NRXN3: variants seen among roughly 807,000 people sequenced by gnomAD.
NRXN3 encodes the protein neurexin III.
Under a neutral mutation model 137.6 loss-of-function variants are expected in NRXN3, and 32 were observed. The ratio of observed to expected loss-of-function variants is 0.23; its 90% CI spans 0.18 to 0.31. The LOEUF is 0.31. Among genes scored for constraint, NRXN3 ranks in the 10% least tolerant of loss-of-function variants. NRXN3 has a pLI of 1.00. For missense variants in NRXN3, 1,574 were observed against 2,062.5 expected (o/e 0.76, Z 4.59); for synonymous variants, 798 against 784.5 (o/e 1.02, Z -0.29).
intron 19 of NRXN3, among the ~76,000 whole-genome samples, chr14:79,747,436 A>G (rs1451142289): frequency 6.6e-6 from 1 of 152,126 alleles, no homozygotes; most frequent in East Asian, 1.9e-4. Context: ...TTCTCCAGGA[A>G]AATAGTGCAG....
intron 6 of NRXN3, among the ~76,000 whole-genome samples, chr14:78,702,724 G>GA (rs141805104): frequency 0.011 from 1,623 of 152,182 alleles, 30 homozygotes; most frequent in African/African-American, 0.037. Flanking sequence ...GATTACAGGC[G>GA]AAAGCCCCTT....
chr14:78,734,828 G>T lies in NRXN3; in HGVS notation c.2044+19689G>T, dbSNP rs571780571. Among the ~76,000 whole-genome samples the T allele has an allele frequency of 2.6e-5, 4 of 152,322 alleles. No individual in the cohort carries two copies. The East Asian group carries it at 7.7e-4, about 29-fold the overall frequency. Reference sequence around the variant, plus strand: ...GGTAAGTCAGGTTGGAGCACAGAAGGTGGAAGTGGGGAGGAGAGGGAAGAG... The same window carrying T: ...GGTAAGTCAGGTTGGAGCACAGAAGTTGGAAGTGGGGAGGAGAGGGAAGAG... On this transcript the variant is annotated intron_variant, in intron 8 of 20. Coordinates refer to ENST00000335750, the MANE Select transcript of NRXN3 (RefSeq NM_001330195.2).
chr14:79,527,968 C>A (rs1435727001), intron 16 of NRXN3, among the ~76,000 whole-genome samples: 1 of 151,754 alleles, frequency 6.6e-6, no homozygotes, highest in Non-Finnish European at 1.5e-5. Flanking sequence ...GCAACCCAGG[C>A]AAGCATTTAT....
intron 15 of NRXN3, among the ~76,000 whole-genome samples, chr14:79,052,967 G>A (rs79670057): frequency 0.037 from 5,685 of 152,208 alleles, 346 homozygotes; most frequent in African/African-American, 0.13. Flanking sequence ...AGAGTGTAAC[G>A]AATCTTATTC....
chr14:78,542,814 A>C (rs1219558302), intron 4 of NRXN3, among the ~76,000 whole-genome samples: 1 of 152,160 alleles, frequency 6.6e-6, no homozygotes, highest in African/African-American at 2.4e-5. Context: ...CTATTTGGCC[A>C]TCTTGGAATA....
intron 15 of NRXN3, among the ~76,000 whole-genome samples, chr14:79,011,119 T>C (rs2099570128): frequency 6.6e-6 from 1 of 152,164 alleles, no homozygotes; most frequent in African/African-American, 2.4e-5. Flanking sequence ...AGTGTTTGTA[T>C]TAACAGGTTT....
chr14:78,436,699 C>G (rs2094078466), intron 4 of NRXN3, among the ~76,000 whole-genome samples: 1 of 152,186 alleles, frequency 6.6e-6, no homozygotes. Flanking sequence ...GCACATGCGG[C>G]TAGTGAGGAC....
intron 16 of NRXN3, among the ~76,000 whole-genome samples, chr14:79,646,091 T>C (rs1265058229): frequency 4.4e-5 from 6 of 136,060 alleles, no homozygotes; most frequent in African/African-American, 1.5e-4. Flanking sequence ...GTTGTACTGC[T>C]TGGCCAGAGA....
intron 16 of NRXN3, among the ~76,000 whole-genome samples, chr14:79,650,958 C>G (rs2098472914): frequency 6.6e-6 from 1 of 152,134 alleles, no homozygotes; most frequent in Non-Finnish European, 1.5e-5. Context: ...CACTGCATTA[C>G]AGAATAATGG....
chr14:78,257,101 A>G (rs1371364126), intron 2 of NRXN3, among the ~76,000 whole-genome samples: 1 of 152,230 alleles, frequency 6.6e-6, no homozygotes, highest in Admixed American at 6.5e-5. Flanking sequence ...TTCCTTCTTC[A>G]GAGGCCTCAC....
intron 4 of NRXN3, among the ~76,000 whole-genome samples, chr14:78,618,312 T>C (rs551670132): frequency 3.8e-4 from 57 of 150,954 alleles, no homozygotes; most frequent in Non-Finnish European, 6.8e-4. Flanking sequence ...GCTAAACAGA[T>C]GAAAAGCCAA....
At chr14:79,388,841 A>G (rs2094739026) in intron 15 of NRXN3, among the ~76,000 whole-genome samples, 1 of 152,148 alleles carries the variant, frequency 6.6e-6, no homozygotes, top group African/African-American at 2.4e-5. Flanking sequence ...GTGGGAGGTA[A>G]TTGAATCATG....
At chr14:78,583,098 T>A (rs1415382021) in intron 4 of NRXN3, among the ~76,000 whole-genome samples, 2 of 152,156 alleles carry the variant, frequency 1.3e-5, no homozygotes, top group Non-Finnish European at 2.9e-5. Context: ...GCAATGTACT[T>A]TCCCTTCCTG....
At chr14:78,250,067 A>C (rs1177154390) in intron 2 of NRXN3, 2 of 515,840 alleles carry the variant, frequency 3.9e-6, no homozygotes, top group Non-Finnish European at 7.7e-6. Context: ...ACCACTCTTG[A>C]CATGCGATTA....
intron 15 of NRXN3, among the ~76,000 whole-genome samples, chr14:79,316,841 T>G (rs1331565713): frequency 6.6e-6 from 1 of 152,052 alleles, no homozygotes; most frequent in Non-Finnish European, 1.5e-5. Flanking sequence ...TGTATTCATT[T>G]CCTAGGAATG....
At chr14:79,094,997 T>TGTGTGTGC (rs2050019488) in intron 15 of NRXN3, among the ~76,000 whole-genome samples, 2 of 150,786 alleles carry the variant, frequency 1.3e-5, no homozygotes, top group Admixed American at 1.3e-4. Context: ...TGTGTGTGTG[T>TGTGTGTGC]GTGTGTGTGT....
intron 19 of NRXN3, among the ~76,000 whole-genome samples, chr14:79,719,323 G>A (rs141514753): frequency 0.019 from 2,558 of 137,486 alleles, 26 homozygotes; most frequent in African/African-American, 0.025. Flanking sequence ...GTATACACGC[G>A]TGTGTATATA....
At chr14:79,402,027 C>T (rs1656578904) in intron 15 of NRXN3, among the ~76,000 whole-genome samples, 1 of 152,110 alleles carries the variant, frequency 6.6e-6, no homozygotes, top group Non-Finnish European at 1.5e-5. Context: ...AGCAGTCCTC[C>T]CACCTCAGCT....
At chr14:78,611,320 C>T (rs1017051614) in intron 4 of NRXN3, among the ~76,000 whole-genome samples, 2 of 152,056 alleles carry the variant, frequency 1.3e-5, no homozygotes, top group Admixed American at 6.6e-5. Context: ...ACTTCCCTTC[C>T]GTTCTTTTTG....
Sources: gnomAD v4.1 joint callset for allele counts (sites outside exome capture counted in the v4.1 genomes callset) on GRCh38, gnomAD v4.1.1 for gene constraint, MANE v1.5 for transcripts, NCBI Gene and HGNC (gene_info 2026-07-23, HGNC 2026-07-21) for gene names.